The following COL8A2 variants were observed in gnomAD, a reference collection of about 807,000 sequenced individuals.
COL8A2 encodes the protein collagen alpha-2(VIII) chain.
In COL8A2, 16 loss-of-function variants were observed where a neutral mutation model predicts 24.0. The observed-to-expected ratio is 0.67, with a 90% CI of 0.45 to 1.01. The LOEUF (loss-of-function observed/expected upper bound fraction) is 1.01. COL8A2 is among the 50% of genes least tolerant of loss of function. The pLI is 0.00. For synonymous variants in COL8A2, 466 were observed against 424.5 expected (o/e 1.10, Z -1.20); for missense variants, 818 against 942.4 (o/e 0.87, Z 1.73).
intron 2 of COL8A2, among the ~76,000 whole-genome samples, chr1:36,106,006 C>T (rs1375223208): frequency 6.6e-6 from 1 of 150,828 alleles, no homozygotes; most frequent in Admixed American, 6.6e-5. Context: ...GGCGCGGTGG[C>T]TCACCTGTAA....
chr1:36,121,046 G>A (rs1243298104), intron 1 of COL8A2, among the ~76,000 whole-genome samples: 6 of 150,508 alleles, frequency 4.0e-5, no homozygotes, highest in South Asian at 4.2e-4. Flanking sequence ...CCAAGATCGC[G>A]CCACTGCACT....
At chr1:36,114,005 G>A (rs1369682566) in intron 2 of COL8A2, among the ~76,000 whole-genome samples, 1 of 152,030 alleles carries the variant, frequency 6.6e-6, no homozygotes, top group Non-Finnish European at 1.5e-5. Context: ...TCGGGAGAGA[G>A]ACATGGGCTA....
chr1:36,113,154 C>G (rs1223842879), intron 2 of COL8A2, among the ~76,000 whole-genome samples: 1 of 152,166 alleles, frequency 6.6e-6, no homozygotes, highest in African/African-American at 2.4e-5. Context: ...GGGCCAGGGA[C>G]CAGCTCAACG....
In COL8A2 at chr1:36,098,174, C is replaced by T; in HGVS notation, c.1507G>A (p.Ala503Thr). The change falls in exon 4 of 4, where the codon GCT becomes ACT. Residue 503 changes from alanine to threonine, a missense_variant. Coordinates refer to ENST00000397799, the MANE Select transcript of COL8A2 (RefSeq NM_005202.4). ...GEGRAGEPGT[A>T]GPTGPPGVPG... Reference sequence around the variant, plus strand: ...ACCCCTGGGGGCCCCGTGGGCCCAGCCGTGCCAGGTTCCCCTGCTCTCCCC... The same window carrying T: ...ACCCCTGGGGGCCCCGTGGGCCCAGTCGTGCCAGGTTCCCCTGCTCTCCCC... 6.6e-7 allele frequency: 1 copy of T among 1,516,186 alleles called. No homozygotes were observed. The highest frequency in any genetic ancestry group is 1.4e-5 in the African/African-American group (1 of 71,960). 93.9% of individuals were successfully genotyped at this position (1,516,186 alleles called of 1,614,324 possible).
intron 2 of COL8A2, among the ~76,000 whole-genome samples, chr1:36,109,301 G>A (rs1470380360): frequency 6.6e-6 from 1 of 152,290 alleles, no homozygotes; most frequent in African/African-American, 2.4e-5. Flanking sequence ...CGCTCTTGCT[G>A]GGTCTCTACT....
rs770069044 is a variant in COL8A2 at position 36,097,628 on chromosome 1, G to C, written c.2053C>G (p.Leu685Val). The change falls in exon 4 of 4, where the codon CTC (leucine) becomes GTC (valine). Residue 685 changes from leucine to valine, a missense_variant. By Grantham distance (32) the Leu-to-Val change is conservative. Around this residue, in one of 3 missense-constraint regions of COL8A2, gnomAD observed 235 missense variants for 297.3 expected, o/e 0.79. Coordinates refer to ENST00000397799, the MANE Select transcript of COL8A2 (RefSeq NM_005202.4). ...GAGTGGATGTACTCCGTGGAGTAGA[G>C]GCCGTTGGCCTGGTCCGACGGCATC... ...VQMPSDQANG[L>V]YSTEYIHSSF... 4 of 1,613,420 alleles carry C rather than the reference G, an allele frequency of 2.5e-6. No homozygotes were observed. The highest frequency in any genetic ancestry group is 3.4e-6 in the Non-Finnish European group (4 of 1,179,940).
At chr1:36,112,580 T>C (rs903149673) in intron 2 of COL8A2, among the ~76,000 whole-genome samples, 3 of 152,112 alleles carry the variant, frequency 2.0e-5, no homozygotes, top group Non-Finnish European at 4.4e-5. Context: ...AGACCTTGTA[T>C]TCCCCCAAAA....
intron 2 of COL8A2, among the ~76,000 whole-genome samples, chr1:36,105,964 A>G (rs28503543): frequency 7.2e-5 from 9 of 124,310 alleles, no homozygotes; most frequent in African/African-American, 3.1e-4. Context: ...AAAAAAAAAA[A>G]AAAGAGAGAG....
chr1:36,114,909 G>A (rs1643871931), intron 2 of COL8A2, among the ~76,000 whole-genome samples: 1 of 152,088 alleles, frequency 6.6e-6, no homozygotes, highest in Non-Finnish European at 1.5e-5. Flanking sequence ...AGGTGACCAA[G>A]CCCCTGGCCT....
chr1:36,118,645 C>A (rs1310445149), intron 1 of COL8A2, among the ~76,000 whole-genome samples: 3 of 152,204 alleles, frequency 2.0e-5, no homozygotes, highest in Non-Finnish European at 4.4e-5. Flanking sequence ...GGCTAAATCC[C>A]AGACCAGATG....
rs752452272 is a variant in COL8A2, at chr1:36,099,048, G to C, written c.633C>G (p.Gly211=). 11 of 1,525,182 alleles carry C rather than the reference G, an allele frequency of 7.2e-6. No homozygotes were observed. The highest frequency in any genetic ancestry group is 9.7e-6 in the Non-Finnish European group (11 of 1,138,992). The allele number at this position is 1,525,182 out of a possible 1,614,324, so 94.5% of individuals were successfully genotyped here. Residue 211 remains glycine (G), a synonymous_variant, in exon 4 of 4, where the codon GGC becomes GGG. Coordinates refer to ENST00000397799, the MANE Select transcript of COL8A2 (RefSeq NM_005202.4). ...DRGLKGDNGV[G]QPGLPGAPGQ... Reference sequence around the variant, plus strand: ...CTGGGGCCCCAGGCAGCCCGGGCTGGCCCACTCCATTATCCCCCTTGAGGC... The same window carrying C: ...CTGGGGCCCCAGGCAGCCCGGGCTGCCCCACTCCATTATCCCCCTTGAGGC...
In COL8A2 at chr1:36,118,680, G is replaced by A. The variant is rs542274232; in HGVS notation, c.-61-2928C>T. On this transcript the variant is annotated intron_variant, in intron 1 of 3. Transcript: ENST00000397799. ...GTGGGTGGGACAGTCTGCACCCCCC[G>A]CCCCCCACCCCCAACCAGCTTCTGA... Among the ~76,000 whole-genome samples the A allele has an allele frequency of 1.3e-4, 19 of 145,766 alleles. No homozygotes were observed. In the South Asian group the frequency reaches 3.3e-3, roughly 26 times the overall value.
Position 36,125,122 on chromosome 1 carries a change from G to T in COL8A2, c.-127C>A. 3.3e-6 allele frequency: 3 copies of T among 921,940 alleles called. No individual in the cohort carries two copies. The highest frequency in any genetic ancestry group is 3.9e-6 in the Non-Finnish European group (3 of 774,162). The allele number at this position is 921,940 out of a possible 1,614,324, so 57.1% of individuals were successfully genotyped here. ...GGCGGCCCGGGCGGCGAGGGCTCCG[G>T]GCAGGGGCGTCCGCGGCTGGGCGGG... On this transcript the variant is annotated 5_prime_UTR_variant, in exon 1 of 4. Coordinates refer to ENST00000397799, the MANE Select transcript of COL8A2 (RefSeq NM_005202.4). The surrounding 1 kb of genome is among the most constrained non-coding windows in gnomAD (Gnocchi z 4.5).
intron 2 of COL8A2, among the ~76,000 whole-genome samples, chr1:36,106,980 G>A (rs1347354647): frequency 6.6e-6 from 1 of 151,934 alleles, no homozygotes; most frequent in African/African-American, 2.4e-5. Flanking sequence ...ACTGCAGCTG[G>A]AAGACCAGGT....
chr1:36,119,845 C>T (rs1255245624), intron 1 of COL8A2, among the ~76,000 whole-genome samples: 1 of 152,128 alleles, frequency 6.6e-6, no homozygotes, highest in African/African-American at 2.4e-5. Context: ...TTCTCCTCAC[C>T]ACAGGTTGTA....
In COL8A2 at chr1:36,100,272, C is replaced by A; in HGVS notation, c.-16-14G>T. On this transcript the variant is annotated splice_polypyrimidine_tract_variant and intron_variant, in intron 2 of 3. Transcript: ENST00000397799. ...TCCGTGGACGTGCTGCAAAGAAGAA[C>A]AGAGAAAGTCATCAAGCCAGCCCTG... is the stretch of plus-strand genomic sequence containing the variant. 1 of 1,539,162 alleles carries A rather than the reference C, an allele frequency of 6.5e-7. No homozygotes were observed.
intron 1 of COL8A2, among the ~76,000 whole-genome samples, chr1:36,119,480 C>A (rs1643894965): frequency 2.0e-5 from 3 of 152,204 alleles, no homozygotes; most frequent in Admixed American, 6.5e-5. Flanking sequence ...GTCCCCCGCA[C>A]CCCCTCAGTC....
At chr1:36,109,244 C>T (rs1643804458) in intron 2 of COL8A2, among the ~76,000 whole-genome samples, 2 of 152,240 alleles carry the variant, frequency 1.3e-5, no homozygotes, top group South Asian at 4.1e-4. Flanking sequence ...CCTGCTTGCT[C>T]ACCCGCCCCG....
rs955808348 is a variant in COL8A2, at chr1:36,097,482, T to G, written c.*87A>C. ...CGGCCGCCTCTGTTCAGCTTTTGTT[T>G]TTTTTTCCAGGAGGTTCTTTGTAAT... On this transcript the variant is annotated 3_prime_UTR_variant, in exon 4 of 4. Coordinates refer to ENST00000397799, the MANE Select transcript of COL8A2 (RefSeq NM_005202.4). The G allele has an allele frequency of 2.5e-6, 3 of 1,180,364 alleles. No homozygotes were observed. The African/African-American group carries it at 4.6e-5, about 18-fold the overall frequency. The allele number at this position is 1,180,364 out of a possible 1,614,324, so 73.1% of individuals were successfully genotyped here. A position where few individuals can be genotyped will look rare whatever the true frequency, so the allele number is the denominator to read the frequency against.
Sources: gnomAD v4.1 joint callset for allele counts (sites outside exome capture counted in the v4.1 genomes callset) on GRCh38, gnomAD v4.1.1 for gene constraint, gnomAD v4.1.1 regional missense constraint, Gnocchi (gnomAD v3.1) non-coding constraint, MANE v1.5 for transcripts, NCBI Gene and HGNC (gene_info 2026-07-23, HGNC 2026-07-21) for gene names.